TDRKH: variants seen among roughly 807,000 people sequenced by gnomAD.
The protein encoded by TDRKH is tudor and KH domain-containing protein.
In TDRKH, 28 loss-of-function variants were observed where a neutral mutation model predicts 61.3. The observed-to-expected ratio is 0.46, with a 90% CI of 0.34 to 0.63. The LOEUF (loss-of-function observed/expected upper bound fraction) is 0.63. Among genes scored for constraint, TDRKH ranks in the 20% least tolerant of loss-of-function variants. TDRKH has a pLI of 0.01. For missense variants in TDRKH, 540 were observed against 683.4 expected, an observed-to-expected ratio of 0.79 and a Z score of 2.34; for synonymous variants, 219 against 244.4, an observed-to-expected ratio of 0.90 and a Z score of 0.97.
chr1:151,767,423 T>G (rs1648404549), downstream of TDRKH: 1 of 1,486,936 alleles, frequency 6.7e-7, no homozygotes, highest in Non-Finnish European at 8.9e-7. Context: ...AACGCATGTG[T>G]AAAAGCTACT....
At chr1:151,783,156 C>T (rs1572005771) in intron 1 of TDRKH, 107 bp from the exon 2 acceptor site, 1 of 997,204 alleles carries the variant, frequency 1.0e-6, no homozygotes, top group Non-Finnish European at 1.4e-6. Flanking sequence ...TACTGCCTAC[C>T]TTCCAATTTC....
chr1:151,776,311 G>T, intron 7 of TDRKH, 43 bp from the exon 8 acceptor site: 1 of 1,604,498 alleles, frequency 6.2e-7, no homozygotes, highest in Non-Finnish European at 8.5e-7. Flanking sequence ...TTACAAAGTG[G>T]TAGGCTCATA....
At position 151,775,056 on chromosome 1, in the gene TDRKH, A is replaced by G; in HGVS notation, c.1536+9T>C. The G allele has an allele frequency of 6.2e-7, 1 of 1,613,928 alleles. No homozygotes were observed. Among genetic ancestry groups the G allele is most frequent in the Non-Finnish European group, 8.5e-7 (1 of 1,179,878 alleles). ...GGAAGCAGCACCCTATATAACTACA[A>G]TAGCTCACCATGTCCTTCAACATGT... On this transcript the variant is annotated intron_variant, in intron 11 of 12. Coordinates refer to ENST00000368824, the MANE Select transcript of TDRKH (RefSeq NM_001083965.2).
downstream of TDRKH, chr1:151,770,555 T>C (rs1451699174): frequency 5.9e-6 from 2 of 339,680 alleles, no homozygotes; most frequent in Non-Finnish European, 1.1e-5. Context: ...CTCAAACATA[T>C]GGAGCACCTA....
At chr1:151,776,993 GA>G (rs1649246930) in intron 6 of TDRKH, among the ~76,000 whole-genome samples, 1 of 152,204 alleles carries the variant, frequency 6.6e-6, no homozygotes, top group African/African-American at 2.4e-5. Context: ...CATGACCCTG[GA>G]CAAGTCTGTG....
downstream of TDRKH, chr1:151,771,888 A>G (rs1311924995): frequency 1.5e-5 from 6 of 398,528 alleles, no homozygotes; most frequent in Middle Eastern, 6.2e-4. Context: ...TGAATGATTT[A>G]TATCAGGGAA....
Position 151,774,425 on chromosome 1 carries a change from A to G in TDRKH, c.*27T>C. The G allele has an allele frequency of 1.2e-6, 2 of 1,613,216 alleles. No homozygotes were observed. The highest frequency in any genetic ancestry group is 2.2e-5 in the South Asian group (2 of 90,978). On this transcript the variant is annotated 3_prime_UTR_variant, in exon 13 of 13. Transcript: ENST00000368824. ...TAGCTGCACTCACACAGCAAAGCAG[A>G]TGGCTGAGCAAACTGAAGCCCAGAC... is the stretch of plus-strand genomic sequence containing the variant.
At position 151,776,228 on chromosome 1, in the gene TDRKH, G is replaced by A. The variant is rs1286936983; in HGVS notation, c.1085C>T (p.Ala362Val). 3 of 1,614,196 alleles carry A rather than the reference G, an allele frequency of 1.9e-6. No individual in the cohort carries two copies. The highest frequency in any genetic ancestry group is 1.7e-5 in the Admixed American group (1 of 60,024). ...CCAGGAACCATTTGTAGGTAAAGGT[G>A]CTGCTACAATGTCTCCTACATGCAC... is the stretch of plus-strand genomic sequence containing the variant. ...LTVHVGDIVA[A>V]PLPTNGSWYR... is the part of the protein sequence containing the mutation. The change falls in exon 8 of 13, where the codon GCA becomes GTA. Residue 362 changes from alanine (A) to valine (V), a missense_variant. This residue lies in a region of TDRKH where 379 missense variants were observed against 443.8 expected (regional missense o/e 0.85). Coordinates refer to ENST00000368824, the MANE Select transcript of TDRKH (RefSeq NM_001083965.2).
Position 151,775,554 on chromosome 1 carries a change from A to C in TDRKH, c.1283-11T>G. 1.9e-6 allele frequency: 3 copies of C among 1,611,334 alleles called. No homozygotes were observed. The highest frequency in any genetic ancestry group is 2.5e-6 in the Non-Finnish European group (3 of 1,178,842). ...CTTCCCACTGGTCACCTGGCAAAAG[A>C]TTGTAGGGGTTACTGCTGATAGGGG... On this transcript the variant is annotated splice_polypyrimidine_tract_variant and intron_variant, in intron 9 of 12. Transcript: ENST00000368824.
rs577957667 is a variant in TDRKH, at chr1:151,776,229, C to T, written c.1084G>A (p.Ala362Thr). 1 of 1,614,150 alleles carries T rather than the reference C, an allele frequency of 6.2e-7. No individual in the cohort carries two copies. Among genetic ancestry groups the T allele is most frequent in the Non-Finnish European group, 8.5e-7 (1 of 1,180,004 alleles). Residue 362 changes from alanine (A) to threonine (T), a missense_variant, in exon 8 of 13, where the codon GCA becomes ACA. This residue lies in a region of TDRKH where 379 missense variants were observed against 443.8 expected (regional missense o/e 0.85). Coordinates refer to ENST00000368824, the MANE Select transcript of TDRKH (RefSeq NM_001083965.2). ...CAGGAACCATTTGTAGGTAAAGGTGCTGCTACAATGTCTCCTACATGCACA... is the reference window on the plus strand; with the variant it reads ...CAGGAACCATTTGTAGGTAAAGGTGTTGCTACAATGTCTCCTACATGCACA... ...LTVHVGDIVA[A>T]PLPTNGSWYR...
Position 151,774,421 on chromosome 1 carries a change from G to A in TDRKH, c.*31C>T. ...ATGATAGCTGCACTCACACAGCAAAGCAGATGGCTGAGCAAACTGAAGCCC... is the reference window on the plus strand; with the variant it reads ...ATGATAGCTGCACTCACACAGCAAAACAGATGGCTGAGCAAACTGAAGCCC... On this transcript the variant is annotated 3_prime_UTR_variant, in exon 13 of 13. Transcript: ENST00000368824. 1 of 1,612,638 alleles carries A rather than the reference G, an allele frequency of 6.2e-7. No homozygotes were observed. The highest frequency in any genetic ancestry group is 1.7e-5 in the Admixed American group (1 of 59,958).
chr1:151,770,390 C>A, downstream of TDRKH: 3 of 1,328,110 alleles, frequency 2.3e-6, no homozygotes, highest in Non-Finnish European at 3.0e-6. Flanking sequence ...TTCTTCCCAC[C>A]TACCACGAAG....
chr1:151,784,439 T>C (rs1468423380), intron 1 of TDRKH, among the ~76,000 whole-genome samples: 1 of 152,206 alleles, frequency 6.6e-6, no homozygotes, highest in Non-Finnish European at 1.5e-5. Flanking sequence ...TCTTCTTAAA[T>C]CCACTCTAAC....
chr1:151,766,946 A>G (rs1196583754), downstream of TDRKH: 17 of 1,454,884 alleles, frequency 1.2e-5, no homozygotes, highest in Admixed American at 2.6e-4. Flanking sequence ...AAAAAGTAAA[A>G]GAATTTGAAA....
At chr1:151,776,292 G>C in intron 7 of TDRKH, 24 bp from the exon 8 acceptor site, 2 of 1,609,394 alleles carry the variant, frequency 1.2e-6, no homozygotes, top group Non-Finnish European at 8.5e-7. Flanking sequence ...GGAGGAGAAA[G>C]GCAGAGAGTT....
At position 151,781,499 on chromosome 1, in the gene TDRKH, T is replaced by C. The variant is rs900934136; in HGVS notation, c.213A>G (p.Gln71=). ...QEAVKLIIGR[Q]GANIKQLRKQ... ...CACTTACCTGTTTAATATTGGCTCC[T>C]TGCCGGCCAATGATGAGTTTCACAG... The change falls in exon 3 of 13, where the codon CAA becomes CAG. Residue 71 remains glutamine, a synonymous_variant. Transcript: ENST00000368824. The C allele has an allele frequency of 1.8e-5, 29 of 1,613,640 alleles. No homozygotes were observed. The highest frequency in any genetic ancestry group is 2.4e-5 in the Non-Finnish European group (28 of 1,179,864).
At chr1:151,782,252 C>T (rs1027752083) in intron 2 of TDRKH, among the ~76,000 whole-genome samples, 2 of 151,748 alleles carry the variant, frequency 1.3e-5, no homozygotes, top group Non-Finnish European at 2.9e-5. Context: ...CACTTGAGGT[C>T]AGCCACCCTG....
intron 1 of TDRKH, among the ~76,000 whole-genome samples, chr1:151,785,637 G>A (rs1280574141): frequency 6.6e-6 from 1 of 152,172 alleles, no homozygotes; most frequent in Non-Finnish European, 1.5e-5. Context: ...TGCTTGAAGA[G>A]GTTATCTAAT....
At chr1:151,770,759 T>C (rs1031354361), downstream of TDRKH, among the ~76,000 whole-genome samples, 1 of 152,226 alleles carries the variant, frequency 6.6e-6, no homozygotes, top group African/African-American at 2.4e-5. Flanking sequence ...TGTATTAGTA[T>C]ATAGGTAGAC....
Sources: gnomAD v4.1 joint callset for allele counts (sites outside exome capture counted in the v4.1 genomes callset) on GRCh38, gnomAD v4.1.1 for gene constraint, gnomAD v4.1.1 regional missense constraint, MANE v1.5 for transcripts, NCBI Gene and HGNC (gene_info 2026-07-23, HGNC 2026-07-21) for gene names.